The following RASSF3 variants were observed in gnomAD, a reference collection of about 807,000 sequenced individuals.
The protein encoded by RASSF3 is Ras association domain family member 3, also known as ras association domain-containing protein 3.
Under a neutral mutation model 19.9 loss-of-function variants are expected in RASSF3, and 19 were observed. That is an observed-to-expected ratio of 0.96 (90% CI 0.67 to 1.40). The LOEUF is 1.40. Among genes scored for constraint, RASSF3 ranks in the 40% most tolerant of loss-of-function variants. The pLI is 0.00. For synonymous variants in RASSF3, 110 were observed against 104.2 expected (o/e 1.06, Z -0.34); for missense variants, 306 against 289.8 (o/e 1.06, Z -0.41).
chr12:64,592,414 A>C (rs942306039), intron 2 of RASSF3, among the ~76,000 whole-genome samples: 1 of 152,176 alleles, frequency 6.6e-6, no homozygotes, highest in Non-Finnish European at 1.5e-5. Context: ...TGTTACTATA[A>C]ATAATGGTAC....
At chr12:64,683,348 T>G (rs1000600949) in intron 1 of RASSF3, among the ~76,000 whole-genome samples, 7 of 152,238 alleles carry the variant, frequency 4.6e-5, no homozygotes, top group African/African-American at 1.7e-4. Context: ...TTTGGTCATT[T>G]GTGATCATGT....
intron 1 of RASSF3, among the ~76,000 whole-genome samples, chr12:64,521,197 C>T (rs530604883): frequency 2.6e-5 from 4 of 152,200 alleles, no homozygotes; most frequent in Non-Finnish European, 5.9e-5. Context: ...TTGGGACTAC[C>T]CTCCTCAGCC....
intron 1 of RASSF3, among the ~76,000 whole-genome samples, chr12:64,508,864 C>G (rs1157771115): frequency 6.6e-6 from 1 of 151,756 alleles, no homozygotes; most frequent in African/African-American, 2.4e-5. Context: ...CCAGCCTAGG[C>G]AACAAGAGTG....
chr12:64,660,425 G>T (rs1872315147), intron 1 of RASSF3, among the ~76,000 whole-genome samples: 2 of 152,092 alleles, frequency 1.3e-5, no homozygotes, highest in African/African-American at 2.4e-5. Context: ...GTATGTAAGG[G>T]TGTGTACACT....
chr12:64,595,064 CTTTT>C (rs1171762487), intron 2 of RASSF3, among the ~76,000 whole-genome samples: 1 of 90,950 alleles, frequency 1.1e-5, no homozygotes, highest in Non-Finnish European at 2.0e-5. Flanking sequence ...CATATGAAAT[CTTTT>C]TTTTTTTTTT....
At chr12:64,521,407 G>C (rs1395422755) in intron 1 of RASSF3, among the ~76,000 whole-genome samples, 1 of 152,054 alleles carries the variant, frequency 6.6e-6, no homozygotes, top group East Asian at 1.9e-4. Flanking sequence ...TCCTGCTCTG[G>C]ACCACATCCT....
chr12:64,643,297 G>A (rs928597966), intron 1 of RASSF3, among the ~76,000 whole-genome samples: 1 of 151,972 alleles, frequency 6.6e-6, no homozygotes, highest in Admixed American at 6.6e-5. Context: ...GCTCCATAAA[G>A]ATTTAGCTAT....
At chr12:64,523,266 C>A (rs908155854) in intron 1 of RASSF3, among the ~76,000 whole-genome samples, 1 of 151,964 alleles carries the variant, frequency 6.6e-6, no homozygotes, top group African/African-American at 2.4e-5. Flanking sequence ...AATAGCCGGG[C>A]ATGGTGTTGG....
intron 1 of RASSF3, among the ~76,000 whole-genome samples, chr12:64,615,529 A>T (rs1377828758): frequency 6.6e-6 from 1 of 152,124 alleles, no homozygotes; most frequent in Non-Finnish European, 1.5e-5. Context: ...TTTGTGCCTC[A>T]ATTATTTGGT....
intron 2 of RASSF3, among the ~76,000 whole-genome samples, chr12:64,570,785 G>C (rs960393444): frequency 1.3e-5 from 2 of 152,078 alleles, no homozygotes; most frequent in African/African-American, 4.8e-5. Context: ...CGAGCTTTTT[G>C]GGTAGCACTG....
chr12:64,611,190 AG>A (rs1480760060), intron 1 of RASSF3, among the ~76,000 whole-genome samples: 1 of 152,186 alleles, frequency 6.6e-6, no homozygotes, highest in Non-Finnish European at 1.5e-5. Flanking sequence ...TGTAATAGCT[AG>A]GGGTGGCCGG....
chr12:64,690,165 A>AT (rs895059808), intron 3 of RASSF3, among the ~76,000 whole-genome samples: 5 of 149,486 alleles, frequency 3.3e-5, no homozygotes, highest in African/African-American at 1.2e-4. Context: ...TGGTATATAC[A>AT]TTTTTTTTTA....
chr12:64,624,322 G>A (rs1437255209), intron 1 of RASSF3, among the ~76,000 whole-genome samples: 1 of 152,022 alleles, frequency 6.6e-6, no homozygotes, highest in African/African-American at 2.4e-5. Flanking sequence ...GGCTAAAAGG[G>A]TGTGTGTTCT....
chr12:64,592,454 A>T, intron 2 of RASSF3, among the ~76,000 whole-genome samples: 1 of 151,926 alleles, frequency 6.6e-6, no homozygotes, highest in East Asian at 1.9e-4. Flanking sequence ...AGGCATTTAT[A>T]TTTTTTTTCA....
chr12:64,604,532 T>C (rs1441266088), intron 2 of RASSF3, among the ~76,000 whole-genome samples: 1 of 152,104 alleles, frequency 6.6e-6, no homozygotes, highest in Non-Finnish European at 1.5e-5. Flanking sequence ...GCAACCAGGG[T>C]GATAGTTGCA....
intron 1 of RASSF3, among the ~76,000 whole-genome samples, chr12:64,509,597 T>A (rs1425639799): frequency 6.6e-6 from 1 of 152,146 alleles, no homozygotes; most frequent in Non-Finnish European, 1.5e-5. Flanking sequence ...AGAGCAATGG[T>A]GAGTAAGTAA....
intron 2 of RASSF3, among the ~76,000 whole-genome samples, chr12:64,569,717 G>C (rs1282990428): frequency 6.6e-6 from 1 of 152,216 alleles, no homozygotes; most frequent in Non-Finnish European, 1.5e-5. Context: ...TGTAATCCCA[G>C]CACTTTGGGA....
intron 1 of RASSF3, among the ~76,000 whole-genome samples, chr12:64,511,898 G>C (rs1868330913): frequency 6.6e-6 from 1 of 152,180 alleles, no homozygotes; most frequent in South Asian, 2.1e-4. Flanking sequence ...AATCTTCTCT[G>C]GTTCTCCCTT....
rs188237291 is a variant in RASSF3, at chr12:64,509,307, G to A, written c.169+1978G>A. Among the ~76,000 whole-genome samples the A allele has an allele frequency of 4.4e-3, 674 of 152,148 alleles. 5 individuals carry two copies. The highest frequency in any genetic ancestry group is 7.3e-3 in the Non-Finnish European group (493 of 67,996). ...TCTACTAAAAATACAAAAATTAGCC[G>A]GGTGTGGTGGTGGGTGCCTATAATC... On this transcript the variant is annotated intron_variant, in intron 1 of 5. Coordinates refer to the RASSF3 transcript ENST00000637125.
Sources: gnomAD v4.1 joint callset for allele counts (sites outside exome capture counted in the v4.1 genomes callset) on GRCh38, gnomAD v4.1.1 for gene constraint, MANE v1.5 for transcripts, NCBI Gene and HGNC (gene_info 2026-07-23, HGNC 2026-07-21) for gene names.